OIT3: variants seen among roughly 807,000 people sequenced by gnomAD.
OIT3 encodes oncoprotein induced transcript 3, also known as oncoprotein-induced transcript 3 protein.
In OIT3, 41 loss-of-function variants were observed where a neutral mutation model predicts 52.2. The observed-to-expected ratio is 0.79, with a 90% confidence interval of 0.61 to 1.02. The LOEUF (loss-of-function observed/expected upper bound fraction) is 1.02, where lower values mean the gene tolerates loss of function less well. Ranked by LOEUF, OIT3 falls within the 50% of genes least tolerant of loss-of-function variation. OIT3 has a pLI of 0.00. For synonymous variants in OIT3, 244 were observed against 276.9 expected (o/e 0.88, Z 1.18); for missense variants, 634 against 715.5 (o/e 0.89, Z 1.30).
chr10:72,917,620 T>G lies in OIT3; in HGVS notation c.951+4152T>G, dbSNP rs530455875. On this transcript the variant is annotated intron_variant, in intron 6 of 8. Coordinates refer to ENST00000334011, the MANE Select transcript of OIT3 (RefSeq NM_152635.3). ...ATAAGATGGAAAATTTTTAACAAAT[T>G]GTTTAAACTATTTTCTTAAAGAGAC... is the stretch of plus-strand genomic sequence containing the variant. The G allele has an allele frequency of 5.6e-4, 452 of 809,028 alleles. 2 individuals carry two copies. The African/African-American group carries it at 6.4e-3, about 11-fold the overall frequency. The allele number at this position is 809,028 out of a possible 1,614,324, so 50.1% of individuals were successfully genotyped here. A position where few individuals can be genotyped will look rare whatever the true frequency, so the allele number is the denominator to read the frequency against.
At chr10:72,899,555 C>G (rs2132924148) in intron 2 of OIT3, among the ~76,000 whole-genome samples, 1 of 147,696 alleles carries the variant, frequency 6.8e-6, no homozygotes, top group Middle Eastern at 3.4e-3. Context: ...AAAATCGTGC[C>G]ATTGCACTCC....
At chr10:72,927,099 C>T (rs989142644) in intron 7 of OIT3, among the ~76,000 whole-genome samples, 1 of 152,060 alleles carries the variant, frequency 6.6e-6, no homozygotes, top group African/African-American at 2.4e-5. Flanking sequence ...TTTATATATG[C>T]ATTATTCAGT....
Position 72,932,516 on chromosome 10 carries a change from G to A in OIT3, c.1630G>A (p.Glu544Lys). 1 of 1,604,206 alleles carries A rather than the reference G, an allele frequency of 6.2e-7. No homozygotes were observed. Among genetic ancestry groups the A allele is most frequent in the South Asian group, 1.1e-5 (1 of 89,354 alleles). The change falls in exon 9 of 9, where the codon GAG (glutamate) becomes AAG (lysine). Residue 544 changes from glutamate to lysine, a missense_variant. Physicochemically the swap from Glu to Lys is moderately conservative, Grantham distance 56. Transcript: ENST00000334011. The part of the protein sequence containing the change: ...LTGGPIRIDW[E>K]D Reference sequence around the variant, plus strand: ...AGGCGGCCCGATCCGCATCGACTGGGAGGACTAGTTCGTAGCCATACCTCG... The same window carrying A: ...AGGCGGCCCGATCCGCATCGACTGGAAGGACTAGTTCGTAGCCATACCTCG...
chr10:72,898,689 C>T lies in OIT3; in HGVS notation c.87C>T (p.Ile29=). 1 of 1,613,000 alleles carries T rather than the reference C, an allele frequency of 6.2e-7. No individual in the cohort carries two copies. Among genetic ancestry groups the T allele is most frequent in the South Asian group, 1.1e-5 (1 of 91,042 alleles). The part of the protein sequence containing the change: ...PVALDPCSAY[I]SLNEPWRNTD... The stretch of plus-strand genomic sequence containing the variant: ...CCCTAGATCCTTGTTCTGCTTACAT[C>T]AGCCTGAATGAGCCCTGGAGGAACA... The change falls in exon 2 of 9, where the codon ATC becomes ATT. Residue 29 remains isoleucine, a synonymous_variant. Transcript: ENST00000334011.
In OIT3 at chr10:72,906,712, T is replaced by C; in HGVS notation, c.661T>C (p.Cys221Arg). ...GRVLRSDGKTCEDVEGCHNNN... is the reference protein window; with the variant it reads ...GRVLRSDGKTREDVEGCHNNN... Reference sequence around the variant, plus strand: ...TGTGCTAAGAAGTGATGGCAAGACTTGTGAAGGTGAGAATGGGCAAAAAGG... The same window carrying C: ...TGTGCTAAGAAGTGATGGCAAGACTCGTGAAGGTGAGAATGGGCAAAAAGG... Residue 221 changes from cysteine (C) to arginine (R), a missense_variant, in exon 4 of 9, where the codon TGT (cysteine) becomes CGT (arginine). By Grantham distance (180) the Cys-to-Arg change is radical. Coordinates refer to ENST00000334011, the MANE Select transcript of OIT3 (RefSeq NM_152635.3). 6.3e-7 allele frequency: 1 copy of C among 1,578,206 alleles called. No individual in the cohort carries two copies. Among genetic ancestry groups the C allele is most frequent in the Non-Finnish European group, 8.6e-7 (1 of 1,163,076 alleles).
At position 72,900,474 on chromosome 10, in the gene OIT3, G is replaced by A. The variant is rs1845922876; in HGVS notation, c.534G>A (p.Gln178=). 4 of 1,594,210 alleles carry A rather than the reference G, an allele frequency of 2.5e-6. No homozygotes were observed. The highest frequency in any genetic ancestry group is 3.4e-6 in the Non-Finnish European group (4 of 1,162,352). ...APGTVLGPDR[Q]TCFDENECEQ... ...GAACTGTGCTAGGCCCTGACAGGCA[G>A]ACATGCTTTGGTAAGAAACTCATCA... The change falls in exon 3 of 9, where the codon CAG becomes CAA. Residue 178 remains glutamine, a synonymous_variant. Transcript: ENST00000334011.
At chr10:72,903,390 T>G (rs1026623796) in intron 3 of OIT3, among the ~76,000 whole-genome samples, 1 of 152,146 alleles carries the variant, frequency 6.6e-6, no homozygotes, top group Non-Finnish European at 1.5e-5. Context: ...CATGCCTGGC[T>G]AATTCTTTTG....
At chr10:72,919,279 G>T (rs1846101062) in intron 6 of OIT3, among the ~76,000 whole-genome samples, 1 of 152,060 alleles carries the variant, frequency 6.6e-6, no homozygotes, top group African/African-American at 2.4e-5. Flanking sequence ...AAGAATGCCG[G>T]CATTTTTGCA....
intron 7 of OIT3, among the ~76,000 whole-genome samples, chr10:72,925,421 G>C (rs1846162025): frequency 6.6e-6 from 1 of 152,194 alleles, no homozygotes; most frequent in Non-Finnish European, 1.5e-5. Flanking sequence ...TGAGTAACCT[G>C]CTAGGAGATG....
Position 72,930,506 on chromosome 10 carries a change from C to A in OIT3, c.1368-32C>A, listed in dbSNP as rs750914201. The A allele has an allele frequency of 2.0e-6, 3 of 1,478,226 alleles. No homozygotes were observed. The Admixed American group carries it at 5.1e-5, about 25-fold the overall frequency. 91.6% of individuals were successfully genotyped at this position (1,478,226 alleles called of 1,614,324 possible). A position where few individuals can be genotyped will look rare whatever the true frequency, so the allele number is the denominator to read the frequency against. ...GTTTTTCCACCTCTGTTGAAACAAT[C>A]AAGTCTTATGTGCTATCTGCCCTAC... On this transcript the variant is annotated intron_variant, in intron 7 of 8. Transcript: ENST00000334011.
At chr10:72,901,670 G>A (rs1274137018) in intron 3 of OIT3, among the ~76,000 whole-genome samples, 3 of 152,104 alleles carry the variant, frequency 2.0e-5, no homozygotes, top group African/African-American at 7.2e-5. Flanking sequence ...CTGGAGTGCA[G>A]TGGTGTGATC....
At chr10:72,914,600 A>T (rs1282091157) in intron 6 of OIT3, among the ~76,000 whole-genome samples, 2 of 152,204 alleles carry the variant, frequency 1.3e-5, no homozygotes, top group Non-Finnish European at 2.9e-5. Context: ...TGTCCCATGC[A>T]TGGCAGAGCA....
rs1362159165 is a variant in OIT3, at chr10:72,913,283, T to G, written c.791-25T>G. The G allele has an allele frequency of 3.2e-6, 5 of 1,553,496 alleles. No homozygotes were observed. In the South Asian group the frequency reaches 5.9e-5, roughly 18 times the overall value. ...CCTCCCGATTCAGGTTTCCTGGCTC[T>G]AACAGTGGCCCTTTTTCTCTGCAGT... On this transcript the variant is annotated intron_variant, in intron 5 of 8. Coordinates refer to ENST00000334011, the MANE Select transcript of OIT3 (RefSeq NM_152635.3).
Position 72,932,578 on chromosome 10 carries a change from C to A in OIT3, c.*54C>A. The stretch of plus-strand genomic sequence containing the variant: ...TGGACGGCTCTGCTCTTTGGAGCTT[C>A]TCCCCCCACCGCCCTCTAAGAACAT... On this transcript the variant is annotated 3_prime_UTR_variant, in exon 9 of 9. Transcript: ENST00000334011. The A allele has an allele frequency of 6.8e-7, 1 of 1,476,012 alleles. No homozygotes were observed. Among genetic ancestry groups the A allele is most frequent in the Non-Finnish European group, 9.1e-7 (1 of 1,093,370 alleles). The allele number at this position is 1,476,012 out of a possible 1,614,324, so 91.4% of individuals were successfully genotyped here.
chr10:72,904,140 G>A (rs756704513), intron 3 of OIT3, among the ~76,000 whole-genome samples: 4 of 152,130 alleles, frequency 2.6e-5, no homozygotes, highest in South Asian at 2.1e-4. Context: ...TCTGATTACC[G>A]GTGCCTGCAG....
intron 2 of OIT3, 117 bp downstream of exon 2, chr10:72,899,155 T>C: frequency 1.2e-6 from 1 of 867,636 alleles, no homozygotes; most frequent in Non-Finnish European, 1.8e-6. Context: ...TGAACAACAT[T>C]GATGTGGGGC....
intron 8 of OIT3, among the ~76,000 whole-genome samples, chr10:72,931,356 T>A (rs1846214990): frequency 6.6e-6 from 1 of 152,112 alleles, no homozygotes; most frequent in Non-Finnish European, 1.5e-5. Context: ...CTGGGCATAG[T>A]GGCACACACC....
chr10:72,913,561 G>A (rs761781778), intron 6 of OIT3, 93 bp downstream of exon 6: 9 of 999,680 alleles, frequency 9.0e-6, no homozygotes, highest in Admixed American at 1.8e-5. Context: ...TTGTGTCATC[G>A]ATGAGATATT....
chr10:72,911,899 G>A, intron 5 of OIT3, 60 bp downstream of exon 5: 1 of 1,495,526 alleles, frequency 6.7e-7, no homozygotes, highest in Non-Finnish European at 9.0e-7. Flanking sequence ...CTCTCCCAAA[G>A]CTCTTTGTCT....
Sources: allele counts gnomAD v4.1 joint callset (sites outside exome capture counted in the v4.1 genomes callset), GRCh38; gene constraint gnomAD v4.1.1; transcripts MANE v1.5; gene names NCBI Gene and HGNC (gene_info 2026-07-23, HGNC 2026-07-21).